Variants in DCDC2C observed in about 807,000 individuals in gnomAD.
DCDC2C encodes the protein doublecortin domain-containing protein 2C.
A neutral mutation model predicts 45.0 loss-of-function variants in DCDC2C; 44 were observed. The ratio of observed to expected loss-of-function variants is 0.98; its 90% CI spans 0.77 to 1.26. DCDC2C has a LOEUF of 1.26. Ranked by LOEUF, DCDC2C falls within the 50% of genes most tolerant of loss-of-function variation. The pLI is 0.00. For synonymous variants in DCDC2C, 187 were observed against 178.8 expected (o/e 1.05, Z -0.37); for missense variants, 447 against 468.9 (o/e 0.95, Z 0.43).
intron 2 of DCDC2C, among the ~76,000 whole-genome samples, chr2:3,714,393 C>T (rs1430451846): frequency 2.0e-5 from 3 of 152,060 alleles, no homozygotes; most frequent in African/African-American, 7.2e-5. Flanking sequence ...AATGGAAGGA[C>T]TTCTATTATA....
chr2:3,835,999 C>T (rs1672066477), intron 10 of DCDC2C, among the ~76,000 whole-genome samples: 1 of 152,162 alleles, frequency 6.6e-6, no homozygotes, highest in South Asian at 2.1e-4. Flanking sequence ...TTACCTTGAC[C>T]TCCCAAAGTG....
chr2:3,750,858 C>T (rs1007947164), intron 4 of DCDC2C, among the ~76,000 whole-genome samples: 3 of 152,134 alleles, frequency 2.0e-5, no homozygotes, highest in South Asian at 2.1e-4. Context: ...TCACCGGTGT[C>T]GGCACATCTG....
intron 10 of DCDC2C, among the ~76,000 whole-genome samples, chr2:3,816,069 G>A (rs1028336197): frequency 2.0e-5 from 3 of 152,180 alleles, no homozygotes; most frequent in Admixed American, 6.5e-5. Context: ...ATTATGGGCG[G>A]CATGGGAACC....
chr2:3,760,585 A>G (rs1385490692), intron 6 of DCDC2C, among the ~76,000 whole-genome samples: 1 of 152,202 alleles, frequency 6.6e-6, no homozygotes, highest in Non-Finnish European at 1.5e-5. Context: ...GGAACAGAAA[A>G]CCAAACACCA....
intron 3 of DCDC2C, among the ~76,000 whole-genome samples, chr2:3,730,884 A>C (rs1255558681): frequency 6.6e-5 from 10 of 152,184 alleles, no homozygotes; most frequent in Non-Finnish European, 1.3e-4. Flanking sequence ...GGCCTCCAAC[A>C]AGCTATGTCT....
intron 10 of DCDC2C, among the ~76,000 whole-genome samples, chr2:3,841,166 C>T (rs1374439482): frequency 2.0e-5 from 3 of 152,032 alleles, no homozygotes; most frequent in Admixed American, 1.3e-4. Flanking sequence ...ATAAGAAGTA[C>T]GAGTTTCAGA....
intron 10 of DCDC2C, among the ~76,000 whole-genome samples, chr2:3,841,756 CAG>C (rs113818442): frequency 0.24 from 36,502 of 152,096 alleles, 4,795 homozygotes; most frequent in East Asian, 0.32. Flanking sequence ...GTGGGATTAG[CAG>C]AGAGTCGCTT....
chr2:3,738,540 GAAAAAAAAAAAAAAA>G (rs60799536), intron 3 of DCDC2C, among the ~76,000 whole-genome samples: 1 of 71,978 alleles, frequency 1.4e-5, no homozygotes, highest in African/African-American at 5.5e-5. Context: ...GTCTATCTGG[GAAAAAAAAAAAAAAA>G]AAAAAAAAAA....
At chr2:3,729,060 C>T (rs1449052161) in intron 3 of DCDC2C, among the ~76,000 whole-genome samples, 1 of 152,228 alleles carries the variant, frequency 6.6e-6, no homozygotes, top group African/African-American at 2.4e-5. Context: ...AAGGGATTCA[C>T]TCACTCATTC....
chr2:3,770,292 T>C (rs1237991700), intron 8 of DCDC2C, among the ~76,000 whole-genome samples: 2 of 152,232 alleles, frequency 1.3e-5, no homozygotes, highest in African/African-American at 4.8e-5. Flanking sequence ...CACCAAATCC[T>C]GGTATCCAGC....
intron 10 of DCDC2C, among the ~76,000 whole-genome samples, chr2:3,836,426 AAC>A (rs1235673393): frequency 1.1e-4 from 17 of 152,238 alleles, no homozygotes; most frequent in Non-Finnish European, 1.9e-4. Context: ...TGGGGCAGCA[AAC>A]ACACGTTAGT....
chr2:3,837,576 G>T (rs1360717100), intron 10 of DCDC2C, among the ~76,000 whole-genome samples: 1 of 152,108 alleles, frequency 6.6e-6, no homozygotes, highest in Admixed American at 6.5e-5. Context: ...AGGAGTTGTG[G>T]CTATTACAGC....
chr2:3,778,747 G>A (rs944444251), intron 8 of DCDC2C, 69 bp from the exon 9 acceptor site: 78 of 1,458,594 alleles, frequency 5.3e-5, no homozygotes, highest in Middle Eastern at 1.7e-4. Context: ...ACTATTTCAC[G>A]TGCTCTCTGA....
chr2:3,767,914 C>A (rs1404628459), intron 7 of DCDC2C, 34 bp downstream of exon 7: 3 of 1,399,562 alleles, frequency 2.1e-6, no homozygotes, highest in Non-Finnish European at 2.8e-6. Flanking sequence ...GTAGGCAGTT[C>A]GAAACTTTAC....
intron 10 of DCDC2C, among the ~76,000 whole-genome samples, chr2:3,801,741 C>T (rs534390348): frequency 2.6e-5 from 4 of 152,318 alleles, no homozygotes; most frequent in African/African-American, 2.4e-5. Flanking sequence ...CAGACTCCTC[C>T]GAGGCTGAGA....
chr2:3,823,168 T>C (rs1306686873), intron 10 of DCDC2C, among the ~76,000 whole-genome samples: 3 of 152,234 alleles, frequency 2.0e-5, no homozygotes, highest in African/African-American at 7.2e-5. Flanking sequence ...GTAAATTTTA[T>C]TGTGTTTTAG....
chr2:3,708,067 T>G (rs548897940), intron 1 of DCDC2C, among the ~76,000 whole-genome samples: 1 of 152,198 alleles, frequency 6.6e-6, no homozygotes, highest in African/African-American at 2.4e-5. Context: ...TGCTGGTGAC[T>G]CTTTTCCAGT....
intron 10 of DCDC2C, among the ~76,000 whole-genome samples, chr2:3,793,111 C>T (rs556534891): frequency 7.2e-5 from 11 of 152,078 alleles, no homozygotes; most frequent in South Asian, 6.2e-4. Context: ...GGGGTATCCA[C>T]GGCGTTGCAA....
chr2:3,824,006 G>C (rs1414761477), intron 10 of DCDC2C, among the ~76,000 whole-genome samples: 1 of 152,228 alleles, frequency 6.6e-6, no homozygotes, highest in Non-Finnish European at 1.5e-5. Flanking sequence ...AAACACATGG[G>C]CATGGCATGT....
Sources: gnomAD v4.1 joint callset for allele counts (sites outside exome capture counted in the v4.1 genomes callset) on GRCh38, gnomAD v4.1.1 for gene constraint, MANE v1.5 for transcripts, NCBI Gene and HGNC (gene_info 2026-07-23, HGNC 2026-07-21) for gene names.